Variants in CENPW observed in about 807,000 individuals in gnomAD.
CENPW encodes the protein centromere protein W, also known as cancer-up-regulated gene 2 protein.
In CENPW, 3 loss-of-function variants were observed where a neutral mutation model predicts 11.1. The ratio of observed to expected loss-of-function variants is 0.27; its 90% confidence interval spans 0.12 to 0.70. The LOEUF (loss-of-function observed/expected upper bound fraction) is 0.70. CENPW is among the 30% of genes least tolerant of loss of function. The probability of loss-of-function intolerance (pLI) is 0.77; values close to 1 mark genes in which losing one functional copy is unlikely to be tolerated. For missense variants in CENPW, 100 were observed against 105.6 expected (o/e 0.95, Z 0.23); for synonymous variants, 38 against 42.0 (o/e 0.91, Z 0.37).
At chr6:126,467,540 C>T in the CENPW span, among the ~76,000 whole-genome samples, 1 of 151,820 alleles carries the variant, frequency 6.6e-6, no homozygotes, top group African/African-American at 2.4e-5. Context: ...CTTCCAATGG[C>T]CAAAGCTGGA....
chr6:126,414,752 G>A, the CENPW span, among the ~76,000 whole-genome samples: 1 of 151,044 alleles, frequency 6.6e-6, no homozygotes. Flanking sequence ...GCCCAAATTA[G>A]TAGAGAAAAA....
At chr6:126,365,201 A>G in the CENPW span, among the ~76,000 whole-genome samples, 1 of 152,208 alleles carries the variant, frequency 6.6e-6, no homozygotes, top group Non-Finnish European at 1.5e-5. Context: ...GGAGTCAGGG[A>G]TATAATTAAA....
chr6:126,404,034 CTCTG>C, the CENPW span, among the ~76,000 whole-genome samples: 2 of 152,048 alleles, frequency 1.3e-5, no homozygotes, highest in Non-Finnish European at 2.9e-5. Flanking sequence ...GCTACATCTA[CTCTG>C]TCTGTGCTCT....
the CENPW span, among the ~76,000 whole-genome samples, chr6:126,448,750 C>A: frequency 6.6e-6 from 1 of 150,872 alleles, no homozygotes; most frequent in South Asian, 2.1e-4. Context: ...CATATAACTC[C>A]CTGCAAAGGA....
the CENPW span, among the ~76,000 whole-genome samples, chr6:126,372,487 G>C: frequency 2.0e-5 from 3 of 152,020 alleles, no homozygotes; most frequent in African/African-American, 7.2e-5. Context: ...TAAATTAAAT[G>C]AATGACCCAG....
the CENPW span, among the ~76,000 whole-genome samples, chr6:126,394,272 C>A: frequency 9.9e-5 from 15 of 151,064 alleles, no homozygotes; most frequent in Non-Finnish European, 2.1e-4. Flanking sequence ...GTTTTAATTC[C>A]TTGCTTTTTA....
At chr6:126,430,778 C>G in the CENPW span, among the ~76,000 whole-genome samples, 1 of 151,952 alleles carries the variant, frequency 6.6e-6, no homozygotes, top group Admixed American at 6.6e-5. Flanking sequence ...GGTGAAACCC[C>G]ATCACTACTT....
the CENPW span, among the ~76,000 whole-genome samples, chr6:126,435,563 CTT>C: frequency 6.6e-6 from 1 of 151,770 alleles, no homozygotes; most frequent in African/African-American, 2.4e-5. Flanking sequence ...TGTTGTGAAA[CTT>C]AGGTAATTTA....
chr6:126,440,464 C>G, the CENPW span, among the ~76,000 whole-genome samples: 20 of 151,486 alleles, frequency 1.3e-4, no homozygotes, highest in African/African-American at 4.6e-4. Context: ...TTAAAAGTAG[C>G]ATCTAACATA....
At chr6:126,471,958 A>T in the CENPW span, among the ~76,000 whole-genome samples, 1 of 152,172 alleles carries the variant, frequency 6.6e-6, no homozygotes, top group Non-Finnish European at 1.5e-5. Context: ...TCTCTTTGCT[A>T]GGTTTTTCAA....
the CENPW span, among the ~76,000 whole-genome samples, chr6:126,450,951 T>TA: frequency 6.6e-6 from 1 of 150,882 alleles, no homozygotes; most frequent in Non-Finnish European, 1.5e-5. Flanking sequence ...ATGAGATATA[T>TA]AAAAAACAGT....
the CENPW span, among the ~76,000 whole-genome samples, chr6:126,445,781 A>G: frequency 4.0e-5 from 6 of 151,346 alleles, no homozygotes; most frequent in South Asian, 1.2e-3. Flanking sequence ...TTAAATTAAA[A>G]AAATGTGAAT....
chr6:126,456,186 C>T, the CENPW span, among the ~76,000 whole-genome samples: 2 of 151,280 alleles, frequency 1.3e-5, no homozygotes, highest in African/African-American at 4.8e-5. Context: ...TGGGATTCTT[C>T]ACATAATTAG....
chr6:126,422,124 G>C, the CENPW span, among the ~76,000 whole-genome samples: 1 of 152,096 alleles, frequency 6.6e-6, no homozygotes, highest in African/African-American at 2.4e-5. Context: ...GTGCATGTGT[G>C]TACGTGTGTA....
intron 2 of CENPW, among the ~76,000 whole-genome samples, chr6:126,346,753 GC>G (rs1019295765): frequency 6.6e-6 from 1 of 152,006 alleles, no homozygotes; most frequent in African/African-American, 2.4e-5. Flanking sequence ...GGGGAAAACC[GC>G]CCCCCATGAT....
At chr6:126,481,392 GA>G in the CENPW span, among the ~76,000 whole-genome samples, 1 of 151,986 alleles carries the variant, frequency 6.6e-6, no homozygotes, top group Non-Finnish European at 1.5e-5. Context: ...AATGTATAAA[GA>G]AAAGAGATTT....
At chr6:126,370,384 A>C in the CENPW span, among the ~76,000 whole-genome samples, 23 of 151,964 alleles carry the variant, frequency 1.5e-4, no homozygotes, top group African/African-American at 4.3e-4. Context: ...TGTTGATTCT[A>C]CCCATCCATG....
the CENPW span, among the ~76,000 whole-genome samples, chr6:126,465,176 T>C: frequency 2.0e-5 from 3 of 152,026 alleles, no homozygotes; most frequent in Non-Finnish European, 4.4e-5. Context: ...AAAGTCAATA[T>C]ACAAAAATCA....
chr6:126,368,897 G>A, the CENPW span, among the ~76,000 whole-genome samples: 156 of 151,990 alleles, frequency 1.0e-3, 1 homozygote, highest in Middle Eastern at 6.8e-3. Context: ...CACGTGACTC[G>A]CCTCCCAAAG....
Sources: gnomAD v4.1 joint callset for allele counts (sites outside exome capture counted in the v4.1 genomes callset) on GRCh38, gnomAD v4.1.1 for gene constraint, MANE v1.5 for transcripts, NCBI Gene and HGNC (gene_info 2026-07-23, HGNC 2026-07-21) for gene names.